SLAIN2: variants seen among roughly 807,000 people sequenced by gnomAD.
The protein encoded by SLAIN2 is SLAIN motif-containing protein 2.
Under a neutral mutation model 56.6 loss-of-function variants are expected in SLAIN2, and 31 were observed. The observed-to-expected ratio is 0.55, with a 90% CI of 0.41 to 0.74. The LOEUF (loss-of-function observed/expected upper bound fraction) is 0.74, where lower values mean the gene tolerates loss of function less well. SLAIN2 is among the 30% of genes least tolerant of loss of function. SLAIN2 has a pLI of 0.00. For missense variants in SLAIN2, 777 were observed against 754.2 expected (o/e 1.03, Z -0.35); for synonymous variants, 317 against 284.9 (o/e 1.11, Z -1.13).
At chr4:48,375,787 C>A (rs1021494545) in intron 2 of SLAIN2, among the ~76,000 whole-genome samples, 1 of 152,176 alleles carries the variant, frequency 6.6e-6, no homozygotes, top group Non-Finnish European at 1.5e-5. Flanking sequence ...ATCACACTTA[C>A]CTGAGCATGC....
At chr4:48,394,508 G>A in intron 6 of SLAIN2, 1 of 1,227,412 alleles carries the variant, frequency 8.1e-7, no homozygotes. Flanking sequence ...AAACATTCAA[G>A]TTTACAGACG....
chr4:48,358,839 G>T (rs1390241379), intron 1 of SLAIN2, among the ~76,000 whole-genome samples: 1 of 151,892 alleles, frequency 6.6e-6, no homozygotes, highest in Non-Finnish European at 1.5e-5. Context: ...TTCTGCCTCA[G>T]CCTCCTGAGT....
intron 6 of SLAIN2, among the ~76,000 whole-genome samples, chr4:48,402,747 C>T (rs1716587975): frequency 6.6e-6 from 1 of 152,182 alleles, no homozygotes; most frequent in Admixed American, 6.5e-5. Context: ...CAGCCTCAGC[C>T]CAGTTCTGTG....
chr4:48,400,348 T>TATTC (rs1716514143), intron 6 of SLAIN2, among the ~76,000 whole-genome samples: 1 of 151,760 alleles, frequency 6.6e-6, no homozygotes, highest in Admixed American at 6.6e-5. Flanking sequence ...TCACTGGTGA[T>TATTC]ATTCTCCTTA....
intron 1 of SLAIN2, among the ~76,000 whole-genome samples, chr4:48,342,996 C>A (rs939930222): frequency 5.3e-5 from 8 of 152,068 alleles, no homozygotes; most frequent in African/African-American, 1.9e-4. Context: ...GGAGGCTTTT[C>A]CTCTCGTTTT....
intron 2 of SLAIN2, among the ~76,000 whole-genome samples, chr4:48,376,722 C>T (rs1397251719): frequency 1.4e-5 from 2 of 147,412 alleles, no homozygotes; most frequent in African/African-American, 2.5e-5. Context: ...CCCGGGTTCA[C>T]GCCATTCTCC....
intron 2 of SLAIN2, among the ~76,000 whole-genome samples, chr4:48,373,838 C>T (rs34832207): frequency 1.3e-5 from 2 of 152,092 alleles, no homozygotes; most frequent in East Asian, 1.9e-4. Context: ...GTTGGGAGTT[C>T]GAGACCAGCC....
At chr4:48,380,215 T>C (rs978063114) in intron 4 of SLAIN2, among the ~76,000 whole-genome samples, 6 of 152,114 alleles carry the variant, frequency 3.9e-5, no homozygotes, top group Non-Finnish European at 7.4e-5. Flanking sequence ...TTCTTTTCGG[T>C]TGCTCCCCTA....
In SLAIN2 at chr4:48,365,422, G is replaced by A. The variant is rs1408575665; in HGVS notation, c.390-4427G>A. Among the ~76,000 whole-genome samples the A allele has an allele frequency of 6.2e-5, 7 of 113,474 alleles. No individual in the cohort carries two copies. In the East Asian group the frequency reaches 1.2e-3, roughly 19 times the overall value. The allele number at this position is 113,474 out of a possible 152,430, so 74.4% of individuals were successfully genotyped here. A position where few individuals can be genotyped will look rare whatever the true frequency, so the allele number is the denominator to read the frequency against. ...GTGGAGGTTGCAGTGAGCCGAGATC[G>A]CAACAGAGCAAGACTCCATCTCAAA... On this transcript the variant is annotated intron_variant, in intron 1 of 7. Transcript: ENST00000264313.
chr4:48,368,433 A>G (rs1027652390), intron 1 of SLAIN2, among the ~76,000 whole-genome samples: 1 of 152,212 alleles, frequency 6.6e-6, no homozygotes, highest in African/African-American at 2.4e-5. Context: ...CATGTGAGCC[A>G]TGTGGGTAAA....
At chr4:48,351,878 G>A (rs1283674566) in intron 1 of SLAIN2, among the ~76,000 whole-genome samples, 1 of 152,228 alleles carries the variant, frequency 6.6e-6, no homozygotes, top group East Asian at 1.9e-4. Flanking sequence ...AAAAGTGAGA[G>A]CCGGGACTTT....
intron 6 of SLAIN2, among the ~76,000 whole-genome samples, chr4:48,417,906 C>T (rs574511752): frequency 8.5e-5 from 13 of 152,194 alleles, no homozygotes; most frequent in Middle Eastern, 3.4e-3. Flanking sequence ...TTCTAATGTT[C>T]GTTGCTGGCA....
At chr4:48,366,051 C>G (rs1032806670) in intron 1 of SLAIN2, among the ~76,000 whole-genome samples, 11 of 152,132 alleles carry the variant, frequency 7.2e-5, no homozygotes, top group African/African-American at 2.7e-4. Context: ...TCTGATTTCC[C>G]TTGTGATACA....
At chr4:48,363,511 G>T (rs1715394097) in intron 1 of SLAIN2, among the ~76,000 whole-genome samples, 1 of 68,934 alleles carries the variant, frequency 1.5e-5, no homozygotes, top group Non-Finnish European at 3.5e-5. Flanking sequence ...TTCCCAGTAG[G>T]GGCGGCCGGG....
chr4:48,351,012 A>G (rs1365205510), intron 1 of SLAIN2, among the ~76,000 whole-genome samples: 2 of 152,236 alleles, frequency 1.3e-5, no homozygotes, highest in Non-Finnish European at 2.9e-5. Context: ...GGATGAATCA[A>G]ATCATCTCCC....
chr4:48,425,414 A>G lies in SLAIN2; in HGVS notation c.*3337A>G, dbSNP rs542202920. On this transcript the variant is annotated 3_prime_UTR_variant, in exon 8 of 8. Coordinates refer to ENST00000264313, the MANE Select transcript of SLAIN2 (RefSeq NM_020846.2). ...CAAGAGGGACAATTAATGCATTTTC[A>G]TACCAAATGCGAATATTTAGGTGAT... is the stretch of plus-strand genomic sequence containing the variant. 2 of 152,258 alleles carry G rather than the reference A, an allele frequency of 1.3e-5. No homozygotes were observed. Among genetic ancestry groups the G allele is most frequent in the South Asian group, 2.1e-4 (1 of 4,830 alleles). The allele number at this position is 152,258 out of a possible 1,614,324, so 9.4% of individuals were successfully genotyped here.
chr4:48,354,050 G>T (rs2109737740), intron 1 of SLAIN2, among the ~76,000 whole-genome samples: 1 of 152,118 alleles, frequency 6.6e-6, no homozygotes, highest in Non-Finnish European at 1.5e-5. Flanking sequence ...CTGACACCAA[G>T]GAGAAAGATT....
At chr4:48,419,557 C>T (rs1053556027) in intron 6 of SLAIN2, among the ~76,000 whole-genome samples, 1 of 151,972 alleles carries the variant, frequency 6.6e-6, no homozygotes, top group Admixed American at 6.6e-5. Flanking sequence ...TGTCACCATG[C>T]CCAGCTGCCT....
At position 48,382,774 on chromosome 4, in the gene SLAIN2, T is replaced by A. The variant is rs1716001721; in HGVS notation, c.1069T>A (p.Ser357Thr). ...RNSPRPSPKQ[S>T]PRNSPRSRSP... The stretch of plus-strand genomic sequence containing the variant: ...TTCACCTCGACCGTCACCTAAGCAG[T>A]CACCCAGAAATTCACCTCGTTCACG... The change falls in exon 5 of 8, where the codon TCA becomes ACA. Residue 357 changes from serine (S) to threonine (T), a missense_variant. By Grantham distance (58) the Ser-to-Thr change is moderately conservative. Coordinates refer to ENST00000264313, the MANE Select transcript of SLAIN2 (RefSeq NM_020846.2). The A allele has an allele frequency of 6.2e-7, 1 of 1,613,658 alleles. No homozygotes were observed. Among genetic ancestry groups the A allele is most frequent in the Non-Finnish European group, 8.5e-7 (1 of 1,179,872 alleles).
Sources: allele counts gnomAD v4.1 joint callset (sites outside exome capture counted in the v4.1 genomes callset), GRCh38; gene constraint gnomAD v4.1.1; transcripts MANE v1.5; gene names NCBI Gene and HGNC (gene_info 2026-07-23, HGNC 2026-07-21).